The following RBFOX1 variants were observed in gnomAD, a reference collection of about 807,000 sequenced individuals.
The protein encoded by RBFOX1 is RNA binding protein fox-1 homolog 1.
Under a neutral mutation model 57.7 loss-of-function variants are expected in RBFOX1, and 8 were observed. The observed-to-expected ratio is 0.14, with a 90% CI of 0.08 to 0.25. The LOEUF (loss-of-function observed/expected upper bound fraction) is 0.25. Ranked by LOEUF, RBFOX1 falls within the 10% of genes least tolerant of loss-of-function variation. The pLI is 1.00. For synonymous variants in RBFOX1, 326 were observed against 222.4 expected, an observed-to-expected ratio of 1.47 and a Z score of -4.15; for missense variants, 611 against 548.5, an observed-to-expected ratio of 1.11 and a Z score of -1.14.
intron 2 of RBFOX1, among the ~76,000 whole-genome samples, chr16:6,478,568 A>G (rs1360234809): frequency 1.3e-5 from 2 of 150,668 alleles, no homozygotes; most frequent in African/African-American, 4.9e-5. Context: ...TCCCAGCTTT[A>G]AAAGTGTCTT....
intron 3 of RBFOX1, among the ~76,000 whole-genome samples, chr16:6,948,375 CTTTTTTTTTTT>C (rs968186299): frequency 1.6e-4 from 11 of 67,962 alleles, no homozygotes; most frequent in South Asian, 5.2e-4. Context: ...TTCTCCCTTT[CTTTTTTTTTTT>C]TTTTTTTTTT....
intron 1 of RBFOX1, among the ~76,000 whole-genome samples, chr16:5,291,970 G>C (rs1311808943): frequency 6.6e-6 from 1 of 151,722 alleles, no homozygotes; most frequent in Non-Finnish European, 1.5e-5. Flanking sequence ...AAGATGTCTA[G>C]ACTTTCAAAG....
intron 3 of RBFOX1, among the ~76,000 whole-genome samples, chr16:6,821,020 T>A (rs906461593): frequency 6.6e-6 from 1 of 152,236 alleles, no homozygotes; most frequent in African/African-American, 2.4e-5. Flanking sequence ...TTATTATCAC[T>A]TAATTCTTAA....
chr16:7,346,463 C>G (rs1046160215), intron 4 of RBFOX1, among the ~76,000 whole-genome samples: 1 of 152,102 alleles, frequency 6.6e-6, no homozygotes, highest in Non-Finnish European at 1.5e-5. Context: ...GATAATGTCT[C>G]TGCTTTCTGG....
chr16:6,516,798 A>G (rs1485069515), intron 2 of RBFOX1, among the ~76,000 whole-genome samples: 1 of 152,146 alleles, frequency 6.6e-6, no homozygotes, highest in African/African-American at 2.4e-5. Context: ...AATTTCACCA[A>G]TAGTTGGTAG....
At chr16:6,304,664 C>G (rs2079239884) in intron 1 of RBFOX1, among the ~76,000 whole-genome samples, 1 of 152,036 alleles carries the variant, frequency 6.6e-6, no homozygotes, top group Non-Finnish European at 1.5e-5. Flanking sequence ...AAGCGGATCA[C>G]TTGATGCCAG....
At chr16:7,160,048 G>C (rs915041547) in intron 4 of RBFOX1, among the ~76,000 whole-genome samples, 1 of 152,108 alleles carries the variant, frequency 6.6e-6, no homozygotes, top group African/African-American at 2.4e-5. Context: ...GTGTCAGTGT[G>C]CCTGTTGCTG....
At chr16:7,477,744 C>A (rs1331329625) in intron 4 of RBFOX1, among the ~76,000 whole-genome samples, 1 of 152,144 alleles carries the variant, frequency 6.6e-6, no homozygotes, top group Non-Finnish European at 1.5e-5. Flanking sequence ...GCAACATCAT[C>A]CACTGCAAAT....
At chr16:7,467,900 C>T (rs2060823195) in intron 4 of RBFOX1, among the ~76,000 whole-genome samples, 1 of 152,210 alleles carries the variant, frequency 6.6e-6, no homozygotes, top group Non-Finnish European at 1.5e-5. Context: ...GAACTCTGGT[C>T]ATTGAACTTG....
At chr16:6,887,776 C>T (rs1285711542) in intron 3 of RBFOX1, among the ~76,000 whole-genome samples, 1 of 151,998 alleles carries the variant, frequency 6.6e-6, no homozygotes, top group Non-Finnish European at 1.5e-5. Flanking sequence ...GATTCTCCAG[C>T]CTCAGCCTCC....
At chr16:7,021,833 G>A (rs1204676977) in intron 3 of RBFOX1, among the ~76,000 whole-genome samples, 1 of 150,948 alleles carries the variant, frequency 6.6e-6, no homozygotes, top group African/African-American at 2.4e-5. Flanking sequence ...AATTCTTGAA[G>A]GTAGTTGGTA....
intron 2 of RBFOX1, among the ~76,000 whole-genome samples, chr16:5,537,952 T>C (rs551802798): frequency 3.9e-5 from 6 of 152,254 alleles, no homozygotes; most frequent in African/African-American, 1.4e-4. Flanking sequence ...GAGTTACACA[T>C]TTTTCCCACA....
At chr16:6,401,182 C>G (rs886541967) in intron 2 of RBFOX1, among the ~76,000 whole-genome samples, 2 of 152,074 alleles carry the variant, frequency 1.3e-5, no homozygotes, top group East Asian at 1.9e-4. Context: ...TCAGGAATAT[C>G]AAAGAATGAT....
chr16:5,814,802 G>A (rs965860845), intron 3 of RBFOX1, among the ~76,000 whole-genome samples: 12 of 152,226 alleles, frequency 7.9e-5, no homozygotes, highest in East Asian at 7.8e-4. Flanking sequence ...GGTGGAGGGC[G>A]CCTGTAGTCC....
chr16:7,510,512 GGCGCGCGC>G lies in RBFOX1; in HGVS notation c.28-7632_28-7625del, dbSNP rs1198013329. Among the ~76,000 whole-genome samples the G allele has an allele frequency of 3.8e-5, 5 of 130,224 alleles. No homozygotes were observed. In the South Asian group the frequency reaches 9.4e-4, roughly 24 times the overall value. 85.4% of individuals were successfully genotyped at this position (130,224 alleles called of 152,430 possible). A position where few individuals can be genotyped will look rare whatever the true frequency, so the allele number is the denominator to read the frequency against. ...CTGTGTGTGTGTGTGTGTGTGTGTG[GGCGCGCGC>G]GCACGCGCGCACGCGCGCTTTCTGC... On this transcript the variant is annotated intron_variant, in intron 4 of 15. Coordinates refer to ENST00000550418, the MANE Select transcript of RBFOX1 (RefSeq NM_018723.4).
Position 7,518,220 on chromosome 16 carries a change from A to G in RBFOX1, c.101A>G (p.Gln34Arg), listed in dbSNP as rs780446439. The G allele has an allele frequency of 6.8e-6, 11 of 1,614,078 alleles. No individual in the cohort carries two copies. Among genetic ancestry groups the G allele is most frequent in the Non-Finnish European group, 9.3e-6 (11 of 1,180,002 alleles). The change falls in exon 5 of 16, where the codon CAG (glutamine) becomes CGG (arginine). Residue 34 changes from glutamine (Q) to arginine (R), a missense_variant. Physicochemically the swap from Gln to Arg is conservative, Grantham distance 43. Coordinates refer to ENST00000550418, the MANE Select transcript of RBFOX1 (RefSeq NM_018723.4). ...GCTTCGGCCCAGTTTGCTCCCCCGC[A>G]GAACGGTATCCCCGCGGAATACACG... Reference protein sequence around the residue: ...PYASAQFAPPQNGIPAEYTAP... With the variant: ...PYASAQFAPPRNGIPAEYTAP...
chr16:5,328,499 G>T (rs1233225842), intron 1 of RBFOX1, among the ~76,000 whole-genome samples: 2 of 152,242 alleles, frequency 1.3e-5, no homozygotes, highest in Non-Finnish European at 2.9e-5. Context: ...CTGATGGAAT[G>T]CCTTCAAGAA....
In RBFOX1 at chr16:6,334,381, G is replaced by A. The variant is rs1009548021; in HGVS notation, c.-64+17324G>A. 1.6e-4 allele frequency among the ~76,000 whole-genome samples: 25 copies of A among 151,834 alleles called. No individual in the cohort carries two copies. The East Asian group carries it at 3.7e-3, about 23-fold the overall frequency. ...GAATTAGCCAGGCATGTTGGTGTGCGCCTGTAGTCCCAGCTACTCAGGAAG... is the reference window on the plus strand; with the variant it reads ...GAATTAGCCAGGCATGTTGGTGTGCACCTGTAGTCCCAGCTACTCAGGAAG... On this transcript the variant is annotated intron_variant, in intron 2 of 15. Coordinates refer to ENST00000550418, the MANE Select transcript of RBFOX1 (RefSeq NM_018723.4).
chr16:7,380,433 T>G (rs1179445854), intron 4 of RBFOX1, among the ~76,000 whole-genome samples: 3 of 152,250 alleles, frequency 2.0e-5, no homozygotes, highest in African/African-American at 7.2e-5. Context: ...CTGTTACCAC[T>G]TAAAAATAGT....
Sources: allele counts gnomAD v4.1 joint callset (sites outside exome capture counted in the v4.1 genomes callset), GRCh38; gene constraint gnomAD v4.1.1; transcripts MANE v1.5; gene names NCBI Gene and HGNC (gene_info 2026-07-23, HGNC 2026-07-21).